Variants in LDHB observed in about 807,000 individuals in gnomAD.
LDHB encodes lactate dehydrogenase B, also known as L-lactate dehydrogenase B chain.
In LDHB, 18 loss-of-function variants were observed where a neutral mutation model predicts 33.4. The ratio of observed to expected loss-of-function variants is 0.54; its 90% confidence interval spans 0.37 to 0.80. The LOEUF (loss-of-function observed/expected upper bound fraction) is 0.80. Ranked by LOEUF, LDHB falls within the 30% of genes least tolerant of loss-of-function variation. LDHB has a pLI of 0.00. For missense variants in LDHB, 345 were observed against 407.9 expected, an observed-to-expected ratio of 0.85 and a Z score of 1.33; for synonymous variants, 121 against 140.6, an observed-to-expected ratio of 0.86 and a Z score of 0.98.
intron 2 of LDHB, among the ~76,000 whole-genome samples, chr12:21,651,372 C>T (rs756348436): frequency 1.3e-4 from 20 of 152,184 alleles, no homozygotes; most frequent in Non-Finnish European, 2.9e-4. Context: ...ATTATATAAG[C>T]AATGGGCTGC....
chr12:21,638,495 A>C, intron 5 of LDHB, 25 bp from the exon 6 acceptor site: 1 of 1,344,910 alleles, frequency 7.4e-7, no homozygotes, highest in Non-Finnish European at 1.1e-6. Flanking sequence ...AAAAAAAGAC[A>C]TTGCAGTTAT....
chr12:21,635,774 G>A (rs944824470), intron 7 of LDHB, 65 bp from the exon 8 acceptor site: 15 of 1,473,512 alleles, frequency 1.0e-5, no homozygotes, highest in Middle Eastern at 1.8e-4. Flanking sequence ...TCAAAGACAG[G>A]AGGCTGAGGT....
intron 3 of LDHB, 105 bp from the exon 4 acceptor site, chr12:21,644,213 C>T: frequency 1.2e-6 from 1 of 816,898 alleles, no homozygotes; most frequent in Non-Finnish European, 2.0e-6. Context: ...GCTTCTAGAA[C>T]ATATATGTGA....
rs1269769818 is a variant in LDHB, at chr12:21,641,988, G to A, written c.559C>T (p.His187Tyr). ...CCATGTTCCCCCAAAATCCATCCAT[G>A]GCAGCTGCTGGGATGAATGCCAAGT... ...EKLGIHPSSC[H>Y]GWILGEHGDS... Residue 187 changes from histidine to tyrosine, a missense_variant, in exon 5 of 8, where the codon CAT becomes TAT. Transcript: ENST00000350669. The A allele has an allele frequency of 6.2e-7, 1 of 1,612,452 alleles. No individual in the cohort carries two copies. Among genetic ancestry groups the A allele is most frequent in the East Asian group, 2.2e-5 (1 of 44,816 alleles).
At chr12:21,641,868 T>C (rs1489955642) in intron 5 of LDHB, 84 bp downstream of exon 5, 2 of 1,224,416 alleles carry the variant, frequency 1.6e-6, no homozygotes, top group Non-Finnish European at 2.3e-6. Flanking sequence ...TCAAAGTCTA[T>C]AAAAATAAAA....
Position 21,635,421 on chromosome 12 carries a change from G to A in LDHB, c.*121C>T. On this transcript the variant is annotated 3_prime_UTR_variant, in exon 8 of 8. Transcript: ENST00000350669. Reference sequence around the variant, plus strand: ...CCAAGCATAGGCTTTGATTCTGTGAGCCCAAATTCACATATTGAAGAAGAT... The same window carrying A: ...CCAAGCATAGGCTTTGATTCTGTGAACCCAAATTCACATATTGAAGAAGAT... 3 of 838,604 alleles carry A rather than the reference G, an allele frequency of 3.6e-6. No individual in the cohort carries two copies. The highest frequency in any genetic ancestry group is 3.5e-5 in the Admixed American group (2 of 56,766). 51.9% of individuals were successfully genotyped at this position (838,604 alleles called of 1,614,324 possible). A position where few individuals can be genotyped will look rare whatever the true frequency, so the allele number is the denominator to read the frequency against.
In LDHB at chr12:21,654,550, A is replaced by G. The variant is rs1938783321; in HGVS notation, c.122T>C (p.Leu41Pro). 6.2e-7 allele frequency: 1 copy of G among 1,614,118 alleles called. No individual in the cohort carries two copies. The highest frequency in any genetic ancestry group is 1.7e-4 in the Middle Eastern group (1 of 6,060). The change falls in exon 2 of 8, where the codon CTG becomes CCG. Residue 41 changes from leucine (L) to proline (P), a missense_variant. Transcript: ENST00000350669. Reference sequence around the variant, plus strand: ...GGTGTTCTTGAAATGTACCTTTCCCAGAATGCTGATAGCACACGCCATACC... The same window carrying G: ...GGTGTTCTTGAAATGTACCTTTCCCGGAATGCTGATAGCACACGCCATACC... ...QVGMACAISI[L>P]GKSLADELAL...
At chr12:21,656,800 G>A (rs749876389) in intron 1 of LDHB, among the ~76,000 whole-genome samples, 2 of 152,140 alleles carry the variant, frequency 1.3e-5, no homozygotes, top group Non-Finnish European at 2.9e-5. Context: ...AACGACAAAC[G>A]GTAAAAATCT....
Position 21,635,573 on chromosome 12 carries a change from C to A in LDHB, c.974G>T (p.Trp325Leu). ...AQLKKSADTL[W>L]DIQKDLKDL Reference sequence around the variant, plus strand: ...GTCTTTTAGGTCCTTCTGGATGTCCCACAGGGTATCTGCACTTTTCTTGAG... The same window carrying A: ...GTCTTTTAGGTCCTTCTGGATGTCCAACAGGGTATCTGCACTTTTCTTGAG... Residue 325 changes from tryptophan (W) to leucine (L), a missense_variant, in exon 8 of 8, where the codon TGG becomes TTG. Coordinates refer to ENST00000350669, the MANE Select transcript of LDHB (RefSeq NM_002300.8). The A allele has an allele frequency of 1.2e-6, 2 of 1,612,468 alleles. No homozygotes were observed. The highest frequency in any genetic ancestry group is 1.7e-6 in the Non-Finnish European group (2 of 1,179,928).
At chr12:21,636,802 TTAA>T (rs1180215935) in intron 7 of LDHB, among the ~76,000 whole-genome samples, 1 of 152,092 alleles carries the variant, frequency 6.6e-6, no homozygotes, top group Non-Finnish European at 1.5e-5. Flanking sequence ...GATCAATACT[TTAA>T]GAATGTGCTA....
chr12:21,646,288 A>G (rs1938524897), intron 3 of LDHB, among the ~76,000 whole-genome samples: 1 of 152,262 alleles, frequency 6.6e-6, no homozygotes, highest in Admixed American at 6.5e-5. Context: ...AAATCTTTAA[A>G]GAAAAGAATG....
At position 21,642,650 on chromosome 12, in the gene LDHB, T is replaced by A. The variant is rs1365048274; in HGVS notation, c.422-525A>T. Among the ~76,000 whole-genome samples the A allele has an allele frequency of 2.0e-5, 3 of 152,194 alleles. No homozygotes were observed. In the East Asian group the frequency reaches 5.8e-4, roughly 29 times the overall value. On this transcript the variant is annotated intron_variant, in intron 4 of 7. Transcript: ENST00000350669. ...TTTCTATTTAATAAAAGAACATCTA[T>A]GTCAGAACCTTTGCTCCAGCGTGGC... is the stretch of plus-strand genomic sequence containing the variant.
chr12:21,642,168 A>T (rs1384870608), intron 4 of LDHB, 43 bp from the exon 5 acceptor site: 11 of 1,472,384 alleles, frequency 7.5e-6, no homozygotes, highest in African/African-American at 2.8e-5. Context: ...ACCAAAACCA[A>T]CTTCAACTGT....
rs962594225 is a variant in LDHB at position 21,654,402 on chromosome 12, G to T, written c.129+141C>A. 9 of 734,214 alleles carry T rather than the reference G, an allele frequency of 1.2e-5. No homozygotes were observed. In the African/African-American group the frequency reaches 1.4e-4, roughly 12 times the overall value. The allele number at this position is 734,214 out of a possible 1,614,324, so 45.5% of individuals were successfully genotyped here. On this transcript the variant is annotated intron_variant, in intron 2 of 7. Coordinates refer to ENST00000350669, the MANE Select transcript of LDHB (RefSeq NM_002300.8). ...GATACATGCTTAAATATTTGAAAGT[G>T]AAGTGGGATTACATCTACAACTTCA...
At chr12:21,639,035 G>C (rs1402357808) in intron 5 of LDHB, among the ~76,000 whole-genome samples, 1 of 151,880 alleles carries the variant, frequency 6.6e-6, no homozygotes, top group Admixed American at 6.6e-5. Flanking sequence ...GTTTCTTGGA[G>C]ACCTTTGGAG....
intron 3 of LDHB, among the ~76,000 whole-genome samples, 158 bp downstream of exon 3, chr12:21,646,741 C>T (rs915660913): frequency 6.6e-6 from 1 of 152,132 alleles, no homozygotes; most frequent in African/African-American, 2.4e-5. Context: ...TGCTAAACTA[C>T]ATTATAAATA....
chr12:21,650,598 T>A (rs1296097177), intron 2 of LDHB, among the ~76,000 whole-genome samples: 3 of 152,202 alleles, frequency 2.0e-5, no homozygotes, highest in Non-Finnish European at 4.4e-5. Flanking sequence ...CATGATGAGT[T>A]CGACATTCAG....
chr12:21,645,439 G>GT (rs1327746976), intron 3 of LDHB, among the ~76,000 whole-genome samples: 14 of 152,206 alleles, frequency 9.2e-5, no homozygotes, highest in Admixed American at 8.5e-4. Flanking sequence ...TGCAGTTGAG[G>GT]TAAGAGGAAG....
At chr12:21,647,793 TTCAA>T (rs5796916) in intron 2 of LDHB, among the ~76,000 whole-genome samples, 143,540 of 151,858 alleles carry the variant, frequency 0.95, 68,335 homozygotes, top group East Asian at 1. Context: ...ACCTCCCGGG[TTCAA>T]GTGATTTTCC....
Sources: gnomAD v4.1 joint callset for allele counts (sites outside exome capture counted in the v4.1 genomes callset) on GRCh38, gnomAD v4.1.1 for gene constraint, MANE v1.5 for transcripts, NCBI Gene and HGNC (gene_info 2026-07-23, HGNC 2026-07-21) for gene names.